AMPH: variants seen among roughly 807,000 people sequenced by gnomAD.
AMPH encodes the protein amphiphysin.
A neutral mutation model predicts 99.1 loss-of-function variants in AMPH; 49 were observed. That is an observed-to-expected ratio of 0.49 (90% CI 0.39 to 0.63). AMPH has a LOEUF of 0.63. Ranked by LOEUF, AMPH falls within the 20% of genes least tolerant of loss-of-function variation. AMPH has a pLI of 0.00. For missense variants in AMPH, 759 were observed against 863.4 expected (o/e 0.88, Z 1.52); for synonymous variants, 314 against 317.3 (o/e 0.99, Z 0.11).
chr7:38,630,735 T>C (rs1794424135), intron 1 of AMPH, among the ~76,000 whole-genome samples: 1 of 152,164 alleles, frequency 6.6e-6, no homozygotes, highest in African/African-American at 2.4e-5. Flanking sequence ...TCCTACCCTA[T>C]TGGTCCTGGG....
At chr7:38,570,908 C>T (rs1183429226) in intron 1 of AMPH, among the ~76,000 whole-genome samples, 27 of 73,816 alleles carry the variant, frequency 3.7e-4, no homozygotes, top group African/African-American at 1.3e-3. Context: ...GTGTGCGTCT[C>T]AGTTTTTAAC....
intron 1 of AMPH, among the ~76,000 whole-genome samples, chr7:38,541,350 T>G (rs1235808457): frequency 8.5e-6 from 1 of 117,668 alleles, no homozygotes; most frequent in Non-Finnish European, 1.9e-5. Flanking sequence ...TTTCCCAAAC[T>G]TCAGGGTACT....
rs1554336850 is a variant in AMPH, at chr7:38,441,770, G to GACATATATATCATATATATATC, written c.1018-5383_1018-5382insGATATATATATGATATATATGT. Among the ~76,000 whole-genome samples the GACATATATATCATATATATATC allele has an allele frequency of 3.5e-5, 3 of 85,846 alleles. 1 individual carries two copies. Among genetic ancestry groups the GACATATATATCATATATATATC allele is most frequent in the Non-Finnish European group, 7.1e-5 (3 of 42,012 alleles). The allele number at this position is 85,846 out of a possible 152,430, so 56.3% of individuals were successfully genotyped here. On this transcript the variant is annotated intron_variant, in intron 11 of 20. Coordinates refer to ENST00000356264, the MANE Select transcript of AMPH (RefSeq NM_001635.4). The stretch of plus-strand genomic sequence containing the variant: ...TATATCATATATATATCATATATAT[G>GACATATATATCATATATATATC]ATATATATCATATATCTGTCATATA...
At chr7:38,407,867 A>G (rs1362123576) in intron 17 of AMPH, among the ~76,000 whole-genome samples, 2 of 152,194 alleles carry the variant, frequency 1.3e-5, no homozygotes, top group Admixed American at 6.5e-5. Flanking sequence ...GGAGAATAAT[A>G]ATTCTGATTC....
rs774582370 is a variant in AMPH at position 38,392,035 on chromosome 7, G to A, written c.1609-18C>T. On this transcript the variant is annotated intron_variant, in intron 18 of 20. Transcript: ENST00000356264. ...ACCTTCTCCTGGGGGAAGAAAAACC[G>A]TGGCGATGCCCGGCAGGGCCTGGAA... 6 of 1,600,784 alleles carry A rather than the reference G, an allele frequency of 3.7e-6. No individual in the cohort carries two copies. The highest frequency in any genetic ancestry group is 2.2e-5 in the East Asian group (1 of 44,868).
intron 11 of AMPH, among the ~76,000 whole-genome samples, chr7:38,445,007 A>G (rs1325260878): frequency 2.0e-5 from 3 of 146,540 alleles, no homozygotes; most frequent in Non-Finnish European, 4.5e-5. Flanking sequence ...ATATATATAT[A>G]TATACACACA....
At chr7:38,519,657 T>C (rs538334878) in intron 2 of AMPH, among the ~76,000 whole-genome samples, 35 of 152,326 alleles carry the variant, frequency 2.3e-4, no homozygotes, top group African/African-American at 6.0e-4. Flanking sequence ...CAGATACCTA[T>C]GGGCATCATG....
At chr7:38,588,675 A>G (rs1048414937) in intron 1 of AMPH, among the ~76,000 whole-genome samples, 1 of 152,130 alleles carries the variant, frequency 6.6e-6, no homozygotes, top group Non-Finnish European at 1.5e-5. Context: ...ATGGGGCACC[A>G]TATTGGATTA....
At chr7:38,501,754 T>TA (rs929696325) in intron 3 of AMPH, among the ~76,000 whole-genome samples, 2 of 143,902 alleles carry the variant, frequency 1.4e-5, no homozygotes, top group Non-Finnish European at 3.0e-5. Flanking sequence ...ACTGGTATGT[T>TA]AAAAAGCATA....
chr7:38,454,021 G>A (rs1787138204), intron 11 of AMPH, among the ~76,000 whole-genome samples: 1 of 152,234 alleles, frequency 6.6e-6, no homozygotes, highest in Non-Finnish European at 1.5e-5. Flanking sequence ...GCTATCCCTG[G>A]CGGCATCTCG....
At chr7:38,499,217 C>A (rs562581629) in intron 3 of AMPH, among the ~76,000 whole-genome samples, 1 of 152,302 alleles carries the variant, frequency 6.6e-6, no homozygotes, top group South Asian at 2.1e-4. Flanking sequence ...CTGCTGTGAG[C>A]TCCTTGCAAG....
intron 15 of AMPH, among the ~76,000 whole-genome samples, chr7:38,424,031 A>G (rs964584477): frequency 1.3e-5 from 2 of 152,128 alleles, no homozygotes; most frequent in African/African-American, 4.8e-5. Context: ...TTTTTCCCCA[A>G]TCACCTCCAT....
At chr7:38,466,100 C>A in intron 8 of AMPH, 73 bp downstream of exon 8, 1 of 1,186,278 alleles carries the variant, frequency 8.4e-7, no homozygotes, top group South Asian at 1.3e-5. Context: ...AATTCTATCC[C>A]ATTTCATTTG....
At chr7:38,451,599 A>G (rs1787041438) in intron 11 of AMPH, among the ~76,000 whole-genome samples, 1 of 152,044 alleles carries the variant, frequency 6.6e-6, no homozygotes, top group African/African-American at 2.4e-5. Flanking sequence ...TCTTCCCTAA[A>G]CAAAGTTGAA....
chr7:38,583,568 G>A (rs1792542325), intron 1 of AMPH, among the ~76,000 whole-genome samples: 1 of 152,140 alleles, frequency 6.6e-6, no homozygotes, highest in Non-Finnish European at 1.5e-5. Flanking sequence ...TTCATTTTGA[G>A]GATGAACCCC....
chr7:38,396,063 T>C (rs1562725295), intron 17 of AMPH, among the ~76,000 whole-genome samples: 1 of 152,246 alleles, frequency 6.6e-6, no homozygotes, highest in Non-Finnish European at 1.5e-5. Flanking sequence ...CCCTCTCTTA[T>C]GAGAATCTCC....
At chr7:38,629,875 G>A (rs1359059256) in intron 1 of AMPH, among the ~76,000 whole-genome samples, 1 of 152,236 alleles carries the variant, frequency 6.6e-6, no homozygotes, top group Non-Finnish European at 1.5e-5. Context: ...GAGGCAGGAG[G>A]AGGATCACTT....
intron 1 of AMPH, among the ~76,000 whole-genome samples, chr7:38,541,017 T>TAAAA (rs60200785): frequency 3.1e-5 from 3 of 97,666 alleles, no homozygotes; most frequent in Non-Finnish European, 4.1e-5. Context: ...TTTCTGTTCT[T>TAAAA]AAAAAAAAAA....
intron 14 of AMPH, 27 bp downstream of exon 14, chr7:38,429,814 AT>A (rs763377135): frequency 6.3e-7 from 1 of 1,598,644 alleles, no homozygotes; most frequent in African/African-American, 1.4e-5. Flanking sequence ...TACCAAAAAA[AT>A]CCAGAATGAT....
Sources: gnomAD v4.1 joint callset for allele counts (sites outside exome capture counted in the v4.1 genomes callset) on GRCh38, gnomAD v4.1.1 for gene constraint, MANE v1.5 for transcripts, NCBI Gene and HGNC (gene_info 2026-07-23, HGNC 2026-07-21) for gene names.